Variants in NACC2 observed in about 807,000 individuals in gnomAD.
NACC2 encodes NACC family member 2.
Under a neutral mutation model 25.1 loss-of-function variants are expected in NACC2, and 8 were observed. That is an observed-to-expected ratio of 0.32 (90% CI 0.19 to 0.57). The LOEUF (loss-of-function observed/expected upper bound fraction) is 0.57. Ranked by LOEUF, NACC2 falls within the 20% of genes least tolerant of loss-of-function variation. NACC2 has a pLI of 0.89. For synonymous variants in NACC2, 435 were observed against 294.7 expected (o/e 1.48, Z -4.88); for missense variants, 644 against 650.2 (o/e 0.99, Z 0.10).
In NACC2 at chr9:136,050,342, G is replaced by C; in HGVS notation, c.180C>G (p.Ser60Arg). The C allele has an allele frequency of 1.3e-6, 1 of 743,504 alleles. No individual in the cohort carries two copies. Among genetic ancestry groups the C allele is most frequent in the Non-Finnish European group, 2.5e-6 (1 of 405,024 alleles). The allele number at this position is 743,504 out of a possible 1,614,324, so 46.1% of individuals were successfully genotyped here. A position where few individuals can be genotyped will look rare whatever the true frequency, so the allele number is the denominator to read the frequency against. Residue 60 changes from serine to arginine, a missense_variant, in exon 2 of 6, where the codon AGC becomes AGG. Transcript: ENST00000277554. ...ASSLYFRDLFSGNSKSAFELP... is the reference protein window; with the variant it reads ...ASSLYFRDLFRGNSKSAFELP... ...GCTCGAAGGCGCTCTTGCTGTTGCC[G>C]CTGAACAGGTCGCGGAAGTAGAGGC...
intron 1 of NACC2, among the ~76,000 whole-genome samples, chr9:136,058,601 G>A (rs1291769344): frequency 6.6e-6 from 1 of 152,216 alleles, no homozygotes; most frequent in East Asian, 1.9e-4. Flanking sequence ...AGGGAAGAGG[G>A]CAAAGGCTGA....
chr9:136,039,665 G>A (rs903874303), intron 2 of NACC2, among the ~76,000 whole-genome samples: 2 of 151,910 alleles, frequency 1.3e-5, no homozygotes, highest in Non-Finnish European at 2.9e-5. Context: ...TGCAAGGGTG[G>A]TTCAATACTG....
intron 1 of NACC2, among the ~76,000 whole-genome samples, chr9:136,080,567 C>A (rs1201686582): frequency 1.3e-5 from 2 of 152,074 alleles, no homozygotes; most frequent in Admixed American, 1.3e-4. Context: ...GAAACTCCAT[C>A]TCCCCACTAC....
intron 5 of NACC2, among the ~76,000 whole-genome samples, chr9:136,012,350 G>A (rs1052627446): frequency 1.3e-5 from 2 of 152,254 alleles, no homozygotes; most frequent in Non-Finnish European, 2.9e-5. Context: ...ACGGGAACTG[G>A]TCAGAGGGTC....
At chr9:136,049,602 C>A in intron 2 of NACC2, 34 bp downstream of exon 2, 1 of 757,408 alleles carries the variant, frequency 1.3e-6, no homozygotes, top group African/African-American at 1.7e-5. Context: ...CGCTTCCCAG[C>A]CAGGTGGTGT....
Position 136,050,033 on chromosome 9 carries a change from G to T in NACC2, c.489C>A (p.Pro163=). Residue 163 remains proline (P), a synonymous_variant, in exon 2 of 6, where the codon CCC becomes CCA. Coordinates refer to ENST00000277554, the MANE Select transcript of NACC2 (RefSeq NM_144653.5). The stretch of plus-strand genomic sequence containing the variant: ...GGGTCAGCAGCGGGATGGGCACCGA[G>T]GGGGACACGACGTAGGGGGCCGCGG... ...AAAAAPYVVS[P]SVPIPLLTRV... 1 of 707,610 alleles carries T rather than the reference G, an allele frequency of 1.4e-6. No homozygotes were observed. 43.8% of individuals were successfully genotyped at this position (707,610 alleles called of 1,614,324 possible).
At chr9:136,057,131 G>A (rs1032193413) in intron 1 of NACC2, among the ~76,000 whole-genome samples, 6 of 152,188 alleles carry the variant, frequency 3.9e-5, no homozygotes, top group Non-Finnish European at 7.3e-5. Context: ...TGGGGTGCCC[G>A]TGGCGTTGGC....
rs1437846291 is a variant in NACC2, at chr9:136,008,100, T to G, written c.*3416A>C. 1.3e-5 allele frequency: 2 copies of G among 152,278 alleles called. No homozygotes were observed. The highest frequency in any genetic ancestry group is 2.9e-5 in the Non-Finnish European group (2 of 68,082). The allele number at this position is 152,278 out of a possible 1,614,324, so 9.4% of individuals were successfully genotyped here. A position where few individuals can be genotyped will look rare whatever the true frequency, so the allele number is the denominator to read the frequency against. On this transcript the variant is annotated 3_prime_UTR_variant, in exon 6 of 6. Coordinates refer to ENST00000277554, the MANE Select transcript of NACC2 (RefSeq NM_144653.5). ...CCTGCTGACCTCTTGCCCACAGCTT[T>G]GTCCACATTCAGGGGCAAAGTACAA...
chr9:136,047,513 G>A (rs1044681375), intron 2 of NACC2, among the ~76,000 whole-genome samples: 2 of 152,160 alleles, frequency 1.3e-5, no homozygotes, highest in Admixed American at 6.5e-5. Context: ...TTTCCACCTC[G>A]CTGGCATCAG....
chr9:136,069,546 C>CAA (rs1841126380), intron 1 of NACC2, among the ~76,000 whole-genome samples: 1 of 146,364 alleles, frequency 6.8e-6, no homozygotes, highest in Non-Finnish European at 1.5e-5. Flanking sequence ...GAAACTCTGT[C>CAA]AAAAAACAAA....
chr9:136,017,313 C>T (rs150685853), intron 2 of NACC2, among the ~76,000 whole-genome samples: 1,757 of 152,290 alleles, frequency 0.012, 19 homozygotes, highest in Non-Finnish European at 0.019. Context: ...GGTGCCACCC[C>T]GAGGTCCCTG....
At chr9:136,026,856 G>A (rs1485082610) in intron 2 of NACC2, among the ~76,000 whole-genome samples, 1 of 152,220 alleles carries the variant, frequency 6.6e-6, no homozygotes, top group African/African-American at 2.4e-5. Context: ...GAAGAGCAGA[G>A]ACCAATGGAC....
intron 2 of NACC2, among the ~76,000 whole-genome samples, chr9:136,024,503 ATG>A (rs139555936): frequency 0.15 from 18,275 of 124,566 alleles, 1,500 homozygotes; most frequent in South Asian, 0.27. Context: ...TGAGGACAGA[ATG>A]TGTGTGTGTG....
At chr9:136,032,335 G>A (rs767865825) in intron 2 of NACC2, among the ~76,000 whole-genome samples, 7 of 152,096 alleles carry the variant, frequency 4.6e-5, no homozygotes, top group Non-Finnish European at 1.0e-4. Flanking sequence ...CCACAGGACT[G>A]TTACAATGCT....
At chr9:136,045,587 G>T (rs542095869) in intron 2 of NACC2, among the ~76,000 whole-genome samples, 2 of 152,022 alleles carry the variant, frequency 1.3e-5, no homozygotes, top group Admixed American at 6.5e-5. Flanking sequence ...GCGCAGGTCC[G>T]GGCAGCCCCC....
chr9:136,022,088 A>T lies in NACC2; in HGVS notation c.887-5659T>A, dbSNP rs761405056. The stretch of plus-strand genomic sequence containing the variant: ...TCATGGATCTGGAGGCTGACCTGGC[A>T]CATGCCCTGCACTATCTCTGCAGCT... On this transcript the variant is annotated intron_variant, in intron 2 of 5. Coordinates refer to ENST00000277554, the MANE Select transcript of NACC2 (RefSeq NM_144653.5). This position sits in a 1 kb window ranked among gnomAD's most constrained non-coding sequence, Gnocchi z 4.4. Among the ~76,000 whole-genome samples the T allele has an allele frequency of 1.3e-4, 20 of 152,196 alleles. No homozygotes were observed. Among genetic ancestry groups the T allele is most frequent in the Non-Finnish European group, 1.8e-4 (12 of 68,032 alleles).
rs1044079997 is a variant in NACC2, at chr9:136,055,876, G to C, written c.-59-5296C>G. Among the ~76,000 whole-genome samples, 7 of 152,152 alleles carry C rather than the reference G, an allele frequency of 4.6e-5. No individual in the cohort carries two copies. The highest frequency in any genetic ancestry group is 1.7e-4 in the African/African-American group (7 of 41,424). ...ACATCTCCTAAAAGGTCAATCGAAG[G>C]CGCTCCTGGAGCGTGAGAAGGTGTG... On this transcript the variant is annotated intron_variant, in intron 1 of 5. Transcript: ENST00000277554. This position sits in a 1 kb window ranked among gnomAD's most constrained non-coding sequence, Gnocchi z 4.9.
intron 1 of NACC2, among the ~76,000 whole-genome samples, chr9:136,052,790 C>G (rs1840866317): frequency 6.6e-6 from 1 of 152,258 alleles, no homozygotes; most frequent in Non-Finnish European, 1.5e-5. Context: ...GCCACACAGG[C>G]TGCACCTCCT....
At chr9:136,035,464 A>C (rs1268280473) in intron 2 of NACC2, among the ~76,000 whole-genome samples, 1 of 152,204 alleles carries the variant, frequency 6.6e-6, no homozygotes, top group African/African-American at 2.4e-5. Context: ...TCAAAGGATC[A>C]GTGTCAAAAA....
Sources: gnomAD v4.1 joint callset for allele counts (sites outside exome capture counted in the v4.1 genomes callset) on GRCh38, gnomAD v4.1.1 for gene constraint, Gnocchi (gnomAD v3.1) non-coding constraint, MANE v1.5 for transcripts, NCBI Gene and HGNC (gene_info 2026-07-23, HGNC 2026-07-21) for gene names.